ZNF407: variants seen among roughly 807,000 people sequenced by gnomAD.
ZNF407 encodes the protein zinc finger protein 407.
Under a neutral mutation model 131.2 loss-of-function variants are expected in ZNF407, and 17 were observed. That is an observed-to-expected ratio of 0.13 (90% CI 0.09 to 0.19). The LOEUF (loss-of-function observed/expected upper bound fraction) is 0.19, where lower values mean the gene tolerates loss of function less well. Ranked by LOEUF, ZNF407 falls within the 10% of genes least tolerant of loss-of-function variation. ZNF407 has a pLI of 1.00. For missense variants in ZNF407, 2,681 were observed against 2,830.6 expected, an observed-to-expected ratio of 0.95 and a Z score of 1.20; for synonymous variants, 1,156 against 1,062.0, an observed-to-expected ratio of 1.09 and a Z score of -1.72.
intron 4 of ZNF407, among the ~76,000 whole-genome samples, chr18:74,789,869 T>TC (rs1239019170): frequency 2.0e-5 from 3 of 151,772 alleles, no homozygotes; most frequent in African/African-American, 7.3e-5. Context: ...TTTTTTTTTT[T>TC]TCCTCTGTAC....
At chr18:75,024,128 G>A (rs1045949492) in intron 8 of ZNF407, among the ~76,000 whole-genome samples, 7 of 152,160 alleles carry the variant, frequency 4.6e-5, no homozygotes, top group African/African-American at 1.7e-4. Context: ...CAAGAGAAAA[G>A]CCAAAGAAGT....
chr18:74,910,046 C>A (rs567429957), intron 7 of ZNF407, among the ~76,000 whole-genome samples: 1 of 152,250 alleles, frequency 6.6e-6, no homozygotes, highest in South Asian at 2.1e-4. Flanking sequence ...ATGGAAACAA[C>A]TGCCGTAGTG....
intron 4 of ZNF407, among the ~76,000 whole-genome samples, chr18:74,837,677 A>G (rs946843228): frequency 6.6e-6 from 1 of 151,736 alleles, no homozygotes; most frequent in African/African-American, 2.4e-5. Flanking sequence ...TTTTTGAGAC[A>G]GGATCTCACT....
At chr18:74,878,506 C>G (rs140915502) in intron 5 of ZNF407, among the ~76,000 whole-genome samples, 4 of 152,206 alleles carry the variant, frequency 2.6e-5, no homozygotes, top group Non-Finnish European at 5.9e-5. Flanking sequence ...AAAGCCAGTG[C>G]AGATGTAATT....
intron 8 of ZNF407, among the ~76,000 whole-genome samples, chr18:74,950,575 A>G (rs1972202409): frequency 6.6e-6 from 1 of 152,238 alleles, no homozygotes; most frequent in South Asian, 2.1e-4. Flanking sequence ...AGTTTGGGTC[A>G]CTGATACAAT....
chr18:74,797,152 T>G (rs1969935286), intron 4 of ZNF407, among the ~76,000 whole-genome samples: 1 of 152,054 alleles, frequency 6.6e-6, no homozygotes, highest in Non-Finnish European at 1.5e-5. Flanking sequence ...CACCTGTTAT[T>G]TTTAGAACGT....
intron 3 of ZNF407, among the ~76,000 whole-genome samples, chr18:74,674,615 C>T (rs150124167): frequency 4.6e-5 from 7 of 152,188 alleles, no homozygotes; most frequent in Non-Finnish European, 1.0e-4. Context: ...ACCTCTACCA[C>T]TATCTCTACC....
chr18:74,877,967 C>A (rs1294062118), intron 5 of ZNF407, among the ~76,000 whole-genome samples: 1 of 152,172 alleles, frequency 6.6e-6, no homozygotes, highest in East Asian at 1.9e-4. Flanking sequence ...TGTTCAAATT[C>A]ACATACATTT....
chr18:74,631,697 C>A lies in ZNF407; in HGVS notation c.678C>A (p.Ser226Arg), dbSNP rs547606522. 1.2e-6 allele frequency: 2 copies of A among 1,613,964 alleles called. No individual in the cohort carries two copies. The highest frequency in any genetic ancestry group is 2.7e-5 in the African/African-American group (2 of 75,032). Residue 226 changes from serine to arginine, a missense_variant, in exon 2 of 9, where the codon AGC (serine) becomes AGA (arginine). Around this residue, in one of 6 missense-constraint regions of ZNF407, gnomAD observed 1,789 missense variants for 1,748.7 expected, o/e 1.02. Coordinates refer to ENST00000299687, the MANE Select transcript of ZNF407 (RefSeq NM_017757.3). ...GTCACTGCAGCCACAAAGCAGAGAG[C>A]AGCTCAGCACTACATATGCATATCA... ...TCCHCSHKAESSSALHMHIKQ... is the reference protein window; with the variant it reads ...TCCHCSHKAERSSALHMHIKQ...
intron 4 of ZNF407, among the ~76,000 whole-genome samples, chr18:74,830,199 T>A (rs778100979): frequency 8.8e-4 from 134 of 152,212 alleles, no homozygotes; most frequent in Middle Eastern, 3.2e-3. Context: ...ATTTGCTGTT[T>A]AAGCCACCCA....
At chr18:75,055,877 T>C (rs1038035121) in intron 8 of ZNF407, among the ~76,000 whole-genome samples, 1 of 152,186 alleles carries the variant, frequency 6.6e-6, no homozygotes, top group Non-Finnish European at 1.5e-5. Context: ...TCACTAAAAA[T>C]TGCATGGTAT....
chr18:74,783,405 A>G (rs1969644725), intron 4 of ZNF407, among the ~76,000 whole-genome samples: 1 of 152,166 alleles, frequency 6.6e-6, no homozygotes, highest in African/African-American at 2.4e-5. Flanking sequence ...AAATTTTTTT[A>G]AAAGTTGAAG....
chr18:75,028,534 G>A (rs577469947), intron 8 of ZNF407, among the ~76,000 whole-genome samples: 1 of 152,268 alleles, frequency 6.6e-6, no homozygotes. Flanking sequence ...AATTTGAGGG[G>A]ACACATTTCA....
At chr18:74,731,394 T>C (rs1741907579) in intron 3 of ZNF407, among the ~76,000 whole-genome samples, 1 of 152,172 alleles carries the variant, frequency 6.6e-6, no homozygotes, top group Admixed American at 6.5e-5. Flanking sequence ...GTCATGAATT[T>C]TTTTAGGCAA....
At chr18:74,917,255 G>C (rs924610793) in intron 7 of ZNF407, among the ~76,000 whole-genome samples, 1 of 151,968 alleles carries the variant, frequency 6.6e-6, no homozygotes, top group African/African-American at 2.4e-5. Context: ...ACGCTTCCCA[G>C]TTCCTTCTTG....
At chr18:75,054,407 A>G (rs1973537963) in intron 8 of ZNF407, among the ~76,000 whole-genome samples, 1 of 152,252 alleles carries the variant, frequency 6.6e-6, no homozygotes, top group Non-Finnish European at 1.5e-5. Context: ...CTTGGGAACA[A>G]TATGAAGATA....
chr18:74,836,927 T>G (rs1970567547), intron 4 of ZNF407, among the ~76,000 whole-genome samples: 3 of 152,094 alleles, frequency 2.0e-5, no homozygotes, highest in Non-Finnish European at 4.4e-5. Context: ...AAGCTTTTAT[T>G]TGGGATCGAA....
At chr18:75,002,566 G>A (rs527890027) in intron 8 of ZNF407, among the ~76,000 whole-genome samples, 17 of 152,258 alleles carry the variant, frequency 1.1e-4, no homozygotes, top group Admixed American at 7.2e-4. Flanking sequence ...ACTTTGGGAG[G>A]ACAAGGCGGG....
At position 75,065,212 on chromosome 18, in the gene ZNF407, G is replaced by A. The variant is rs1490603131; in HGVS notation, c.*744G>A. ...AAATATATGTCGGTGGAGATAGCCA[G>A]TGCTTCTAATTTTGACTTAGTTTCA... On this transcript the variant is annotated 3_prime_UTR_variant, in exon 9 of 9. Transcript: ENST00000299687. The A allele has an allele frequency of 6.6e-6, 1 of 152,354 alleles. No homozygotes were observed. The highest frequency in any genetic ancestry group is 6.5e-5 in the Admixed American group (1 of 15,288). The allele number at this position is 152,354 out of a possible 1,614,324, so 9.4% of individuals were successfully genotyped here.
Sources: gnomAD v4.1 joint callset for allele counts (sites outside exome capture counted in the v4.1 genomes callset) on GRCh38, gnomAD v4.1.1 for gene constraint, gnomAD v4.1.1 regional missense constraint, MANE v1.5 for transcripts, NCBI Gene and HGNC (gene_info 2026-07-23, HGNC 2026-07-21) for gene names.